The following ZNF197 variants were observed in gnomAD, a reference collection of about 807,000 sequenced individuals.
ZNF197 encodes zinc finger protein 197, also known as VHL-associated KRAB-A domain-containing protein.
A neutral mutation model predicts 27.4 loss-of-function variants in ZNF197; 14 were observed. The ratio of observed to expected loss-of-function variants is 0.51; its 90% CI spans 0.34 to 0.80. The LOEUF is 0.80. Ranked by LOEUF, ZNF197 falls within the 30% of genes least tolerant of loss-of-function variation. ZNF197 has a pLI of 0.02. For synonymous variants in ZNF197, 415 were observed against 420.0 expected, an observed-to-expected ratio of 0.99 and a Z score of 0.15; for missense variants, 1,090 against 1,222.6, an observed-to-expected ratio of 0.89 and a Z score of 1.62.
intron 5 of ZNF197, among the ~76,000 whole-genome samples, chr3:44,633,218 T>TTA (rs1205289010): frequency 6.6e-6 from 1 of 152,170 alleles, no homozygotes; most frequent in African/African-American, 2.4e-5. Flanking sequence ...ATTTTTAAAG[T>TTA]TATATATATT....
At chr3:44,626,970 A>C (rs147627769) in intron 1 of ZNF197, among the ~76,000 whole-genome samples, 2 of 152,166 alleles carry the variant, frequency 1.3e-5, no homozygotes, top group Non-Finnish European at 2.9e-5. Context: ...TGATACATCT[A>C]TGCATCCATA....
Position 44,647,131 on chromosome 3 carries a change from A to G in ZNF197, c.*2911A>G. 1 of 152,256 alleles carries G rather than the reference A, an allele frequency of 6.6e-6. No individual in the cohort carries two copies. The highest frequency in any genetic ancestry group is 6.5e-5 in the Admixed American group (1 of 15,284). The allele number at this position is 152,256 out of a possible 1,614,324, so 9.4% of individuals were successfully genotyped here. ...CTACATAAAGAACTTTCCAAATTTA[A>G]CAGTAATAAGTAAATACAATTAGAA... On this transcript the variant is annotated 3_prime_UTR_variant, in exon 6 of 6. Coordinates refer to ENST00000344387, the MANE Select transcript of ZNF197 (RefSeq NM_006991.5).
chr3:44,631,460 G>T (rs1380502156), intron 3 of ZNF197, among the ~76,000 whole-genome samples: 3 of 151,846 alleles, frequency 2.0e-5, no homozygotes, highest in Non-Finnish European at 4.4e-5. Context: ...GAGTGCAGTG[G>T]CGCGATCTCA....
At chr3:44,625,994 G>C (rs532994177) in intron 1 of ZNF197, among the ~76,000 whole-genome samples, 2 of 152,294 alleles carry the variant, frequency 1.3e-5, no homozygotes, top group East Asian at 3.9e-4. Context: ...CCATGTCTCA[G>C]TTAGCTAAGT....
In ZNF197 at chr3:44,642,966, TAA is replaced by T. The variant is rs769214099; in HGVS notation, c.1837_1838del (p.Lys613GlufsTer13). On this transcript the variant is annotated frameshift_variant, in exon 6 of 6. Coordinates refer to ENST00000344387, the MANE Select transcript of ZNF197 (RefSeq NM_006991.5). LOFTEE classifies it low-confidence loss of function (END_TRUNC). ...FSSKSNFIDH[K>X]RMHSREKPYK... ...GTTCTAAGTCAAACTTCATTGACCATAAGAGGATGCACAGCAGAGAGAAACCT... is the reference window on the plus strand; with the variant it reads ...GTTCTAAGTCAAACTTCATTGACCATGAGGATGCACAGCAGAGAGAAACCT... The T allele has an allele frequency of 6.2e-7, 1 of 1,613,990 alleles. No homozygotes were observed. The highest frequency in any genetic ancestry group is 2.2e-5 in the East Asian group (1 of 44,858).
chr3:44,627,076 A>G (rs116671571), intron 1 of ZNF197, among the ~76,000 whole-genome samples: 3,692 of 152,254 alleles, frequency 0.024, 97 homozygotes, highest in African/African-American at 0.063. Context: ...GTGTCCTACC[A>G]TTTGTGAAAA....
chr3:44,627,393 C>T (rs1036217690), intron 1 of ZNF197, among the ~76,000 whole-genome samples: 3 of 152,196 alleles, frequency 2.0e-5, no homozygotes, highest in African/African-American at 7.2e-5. Flanking sequence ...ACACTCTTGC[C>T]TCTGAAGTTT....
Position 44,646,181 on chromosome 3 carries a change from C to T in ZNF197, c.*1961C>T. The T allele has an allele frequency of 1.0e-6, 1 of 981,166 alleles. No individual in the cohort carries two copies. The allele number at this position is 981,166 out of a possible 1,614,324, so 60.8% of individuals were successfully genotyped here. On this transcript the variant is annotated 3_prime_UTR_variant, in exon 6 of 6. Transcript: ENST00000344387. ...CCATCTGCCTCAGAAAAAATCTCTTCAGTTCTTGGAGCCTTGAATTCCTCA... is the reference window on the plus strand; with the variant it reads ...CCATCTGCCTCAGAAAAAATCTCTTTAGTTCTTGGAGCCTTGAATTCCTCA...
Position 44,644,684 on chromosome 3 carries a change from A to C in ZNF197, c.*464A>C, listed in dbSNP as rs536286950. On this transcript the variant is annotated 3_prime_UTR_variant, in exon 6 of 6. Transcript: ENST00000344387. ...CAACTTTCAAGTCTACAAAAACATAATCCAAATCTAATAACATAGTTGTAA... is the reference window on the plus strand; with the variant it reads ...CAACTTTCAAGTCTACAAAAACATACTCCAAATCTAATAACATAGTTGTAA... 7.1e-6 allele frequency: 7 copies of C among 986,936 alleles called. 1 individual carries two copies. In the South Asian group the frequency reaches 3.3e-4, roughly 46 times the overall value. The allele number at this position is 986,936 out of a possible 1,614,324, so 61.1% of individuals were successfully genotyped here.
intron 5 of ZNF197, among the ~76,000 whole-genome samples, chr3:44,633,110 T>C (rs1702101829): frequency 6.6e-6 from 1 of 152,228 alleles, no homozygotes; most frequent in Non-Finnish European, 1.5e-5. Flanking sequence ...TAGCGATCCC[T>C]GTCCTCTCTG....
rs376663334 is a variant in ZNF197 at position 44,643,256 on chromosome 3, G to T, written c.2126G>T (p.Arg709Leu). 2 of 1,614,092 alleles carry T rather than the reference G, an allele frequency of 1.2e-6. No homozygotes were observed. The highest frequency in any genetic ancestry group is 1.3e-5 in the African/African-American group (1 of 75,034). ...LHNGEKPYECRECGKTFIMSK... is the reference protein window; with the variant it reads ...LHNGEKPYECLECGKTFIMSK... ...AATGGGGAGAAGCCATATGAATGTC[G>T]AGAGTGTGGGAAAACCTTTATTATG... The change falls in exon 6 of 6, where the codon CGA (arginine) becomes CTA (leucine). Residue 709 changes from arginine (R) to leucine (L), a missense_variant. Physicochemically the swap from Arg to Leu is moderately radical, Grantham distance 102 (BLOSUM62 -2). Coordinates refer to ENST00000344387, the MANE Select transcript of ZNF197 (RefSeq NM_006991.5).
chr3:44,627,430 A>G (rs1343042114), intron 1 of ZNF197, among the ~76,000 whole-genome samples: 1 of 152,188 alleles, frequency 6.6e-6, no homozygotes, highest in Non-Finnish European at 1.5e-5. Flanking sequence ...CTTCCTTCAC[A>G]GAGTTATGTG....
At chr3:44,639,353 G>A (rs1305140491) in intron 5 of ZNF197, among the ~76,000 whole-genome samples, 1 of 152,010 alleles carries the variant, frequency 6.6e-6, no homozygotes, top group African/African-American at 2.4e-5. Flanking sequence ...GTTGGGAAAT[G>A]TTTCTGTTTA....
At position 44,646,428 on chromosome 3, in the gene ZNF197, G is replaced by C; in HGVS notation, c.*2208G>C. The C allele has an allele frequency of 6.2e-7, 1 of 1,611,108 alleles. No individual in the cohort carries two copies. Among genetic ancestry groups the C allele is most frequent in the East Asian group, 2.2e-5 (1 of 44,828 alleles). On this transcript the variant is annotated 3_prime_UTR_variant, in exon 6 of 6. Coordinates refer to ENST00000344387, the MANE Select transcript of ZNF197 (RefSeq NM_006991.5). Reference sequence around the variant, plus strand: ...GCCCACATAATGTGCCACCTTCTGTGATGTAATAAGCTGAAAAATGTTCAA... The same window carrying C: ...GCCCACATAATGTGCCACCTTCTGTCATGTAATAAGCTGAAAAATGTTCAA...
rs1293070162 is a variant in ZNF197 at position 44,645,369 on chromosome 3, G to A, written c.*1149G>A. ...ACCTAAAAGATACTCATTTTCATAA[G>A]AGGAAGTATGGTGAATAGCTAACTG... On this transcript the variant is annotated 3_prime_UTR_variant, in exon 6 of 6. Transcript: ENST00000344387. The A allele has an allele frequency of 4.1e-6, 4 of 985,264 alleles. No homozygotes were observed. The highest frequency in any genetic ancestry group is 4.8e-6 in the Non-Finnish European group (4 of 829,930). 61.0% of individuals were successfully genotyped at this position (985,264 alleles called of 1,614,324 possible).
intron 5 of ZNF197, among the ~76,000 whole-genome samples, chr3:44,634,773 T>C (rs1259108367): frequency 6.6e-6 from 1 of 152,212 alleles, no homozygotes; most frequent in African/African-American, 2.4e-5. Context: ...TATCATTTTA[T>C]TTTGACATTT....
chr3:44,640,959 C>G lies in ZNF197; in HGVS notation c.770-941C>G, dbSNP rs578203864. Among the ~76,000 whole-genome samples the G allele has an allele frequency of 2.0e-5, 3 of 152,282 alleles. No individual in the cohort carries two copies. The East Asian group carries it at 5.8e-4, about 29-fold the overall frequency. ...AAATGGCTGCACTCTTGTCTTCTCT[C>G]TCTGTTTAGATAGAAGAAAAGTATT... is the stretch of plus-strand genomic sequence containing the variant. On this transcript the variant is annotated intron_variant, in intron 5 of 5. Transcript: ENST00000344387. This position sits in a 1 kb window ranked among gnomAD's most constrained non-coding sequence, Gnocchi z 4.0.
intron 5 of ZNF197, among the ~76,000 whole-genome samples, chr3:44,639,345 T>C (rs1040027109): frequency 6.6e-6 from 1 of 152,160 alleles, no homozygotes; most frequent in African/African-American, 2.4e-5. Flanking sequence ...TAGAATTAGT[T>C]GGGAAATGTT....
chr3:44,630,969 T>G, intron 2 of ZNF197, 93 bp from the exon 3 acceptor site: 1 of 1,539,218 alleles, frequency 6.5e-7, no homozygotes, highest in Non-Finnish European at 9.0e-7. Context: ...GATCTCACAG[T>G]TGTAGATTGT....
Sources: allele counts gnomAD v4.1 joint callset (sites outside exome capture counted in the v4.1 genomes callset), GRCh38; gene constraint gnomAD v4.1.1; non-coding constraint Gnocchi (gnomAD v3.1); transcripts MANE v1.5; gene names NCBI Gene and HGNC (gene_info 2026-07-23, HGNC 2026-07-21).